Variants in NPFFR2 observed in about 807,000 individuals in gnomAD.
The protein encoded by NPFFR2 is G-protein coupled receptor 74.
Under a neutral mutation model 13.1 loss-of-function variants are expected in NPFFR2, and 15 were observed. The ratio of observed to expected loss-of-function variants is 1.15; its 90% CI spans 0.77 to 1.76. The LOEUF is 1.76. NPFFR2 is among the 40% of genes most tolerant of loss of function. NPFFR2 has a pLI of 0.00. For missense variants in NPFFR2, 572 were observed against 503.5 expected (o/e 1.14, Z -1.30); for synonymous variants, 190 against 175.7 (o/e 1.08, Z -0.65).
intron 1 of NPFFR2, among the ~76,000 whole-genome samples, chr4:72,114,017 A>T (rs1024936045): frequency 1.3e-5 from 2 of 152,116 alleles, no homozygotes; most frequent in East Asian, 1.9e-4. Context: ...TTTCATAGAT[A>T]AGGACTTTTC....
intron 3 of NPFFR2, among the ~76,000 whole-genome samples, chr4:72,139,976 C>A (rs950539232): frequency 3.3e-5 from 5 of 152,056 alleles, no homozygotes; most frequent in African/African-American, 1.2e-4. Context: ...CCTTCACATC[C>A]CTTGTAAGTT....
chr4:72,068,770 C>T (rs915544916), intron 1 of NPFFR2: 14 of 319,212 alleles, frequency 4.4e-5, no homozygotes, highest in South Asian at 1.3e-4. Flanking sequence ...CATAGAATAA[C>T]GGTTCTATGC....
intron 1 of NPFFR2, among the ~76,000 whole-genome samples, chr4:72,076,179 G>GT (rs33946488): frequency 6.6e-6 from 1 of 151,334 alleles, no homozygotes; most frequent in East Asian, 2.0e-4. Flanking sequence ...ATGTTATGGA[G>GT]TTTTTTTTTC....
intron 1 of NPFFR2, among the ~76,000 whole-genome samples, chr4:72,051,074 C>T (rs1277854168): frequency 6.6e-6 from 1 of 151,904 alleles, no homozygotes; most frequent in African/African-American, 2.4e-5. Flanking sequence ...AATAAACATA[C>T]GTGTGCATAT....
intron 1 of NPFFR2, among the ~76,000 whole-genome samples, chr4:72,094,393 G>C (rs13150552): frequency 6.6e-6 from 1 of 152,264 alleles, no homozygotes; most frequent in African/African-American, 2.4e-5. Context: ...AGGATCAGGC[G>C]GTGTGTGGGG....
chr4:72,120,872 A>C (rs1578468507), intron 1 of NPFFR2, among the ~76,000 whole-genome samples: 1 of 152,208 alleles, frequency 6.6e-6, no homozygotes, highest in Non-Finnish European at 1.5e-5. Flanking sequence ...CTTGCCAGCA[A>C]AGGAACAAAA....
chr4:72,067,226 C>G (rs533920050), intron 1 of NPFFR2, among the ~76,000 whole-genome samples: 1 of 152,120 alleles, frequency 6.6e-6, no homozygotes, highest in Non-Finnish European at 1.5e-5. Context: ...AGCAGTGGCC[C>G]GAGTTCTACC....
chr4:72,106,648 C>A (rs533745088), intron 1 of NPFFR2, among the ~76,000 whole-genome samples: 41 of 152,112 alleles, frequency 2.7e-4, no homozygotes, highest in African/African-American at 7.9e-4. Flanking sequence ...TAAACTTGCT[C>A]ACCCACAATC....
chr4:72,060,067 A>T (rs1373599220), intron 1 of NPFFR2, among the ~76,000 whole-genome samples: 1 of 152,120 alleles, frequency 6.6e-6, no homozygotes. Context: ...AAGAGATTTT[A>T]TGTCTATGAA....
intron 1 of NPFFR2, among the ~76,000 whole-genome samples, chr4:72,120,942 C>A (rs964996449): frequency 6.6e-6 from 1 of 151,898 alleles, no homozygotes; most frequent in Non-Finnish European, 1.5e-5. Flanking sequence ...TGGGTAATAA[C>A]AAACTCTTCC....
intron 1 of NPFFR2, among the ~76,000 whole-genome samples, chr4:72,070,175 C>T (rs1014061057): frequency 1.3e-5 from 2 of 152,146 alleles, no homozygotes; most frequent in Non-Finnish European, 2.9e-5. Context: ...AACCACTACA[C>T]TAAATTTTCT....
At chr4:72,082,904 A>G (rs539340035) in intron 1 of NPFFR2, among the ~76,000 whole-genome samples, 38 of 152,138 alleles carry the variant, frequency 2.5e-4, no homozygotes, top group South Asian at 1.5e-3. Context: ...AATTGCTATC[A>G]TGCAGCACAT....
At chr4:72,068,215 A>G (rs548863459) in intron 1 of NPFFR2, among the ~76,000 whole-genome samples, 1 of 152,052 alleles carries the variant, frequency 6.6e-6, no homozygotes, top group South Asian at 2.1e-4. Context: ...ATTTCCTCAC[A>G]CTTCTGAAGG....
intron 1 of NPFFR2, among the ~76,000 whole-genome samples, 157 bp downstream of exon 1, chr4:72,032,357 A>G (rs1282377905): frequency 6.6e-6 from 1 of 152,166 alleles, no homozygotes; most frequent in African/African-American, 2.4e-5. Flanking sequence ...CCGCTTGGTC[A>G]CTGGCCCAAC....
intron 2 of NPFFR2, among the ~76,000 whole-genome samples, chr4:72,133,433 G>C (rs1337505213): frequency 6.6e-6 from 1 of 151,984 alleles, no homozygotes; most frequent in Non-Finnish European, 1.5e-5. Flanking sequence ...GTTTGAAGTT[G>C]GGTAGCATAA....
intron 2 of NPFFR2, among the ~76,000 whole-genome samples, 188 bp downstream of exon 2, chr4:72,129,107 TAGAGAA>T (rs894665282): frequency 3.3e-5 from 5 of 152,164 alleles, no homozygotes; most frequent in Non-Finnish European, 5.9e-5. Flanking sequence ...ATAATTATAT[TAGAGAA>T]TGAGAAGGAT....
intron 2 of NPFFR2, among the ~76,000 whole-genome samples, chr4:72,132,284 A>T (rs905585898): frequency 6.6e-6 from 1 of 152,222 alleles, no homozygotes; most frequent in Non-Finnish European, 1.5e-5. Flanking sequence ...TTTGCTGCAG[A>T]TAATGGCCTC....
At chr4:72,037,230 T>TAAAA (rs1365758442) in intron 1 of NPFFR2, among the ~76,000 whole-genome samples, 3 of 138,670 alleles carry the variant, frequency 2.2e-5, no homozygotes, top group Non-Finnish European at 4.7e-5. Context: ...GCCTACAAAT[T>TAAAA]AAAAAAAAAA....
chr4:72,146,868 T>G, intron 3 of NPFFR2, 110 bp from the exon 4 acceptor site: 1 of 711,754 alleles, frequency 1.4e-6, no homozygotes, highest in Non-Finnish European at 2.4e-6. Context: ...TTTCTATATT[T>G]TTGAGGAGAC....
Sources: allele counts gnomAD v4.1 joint callset (sites outside exome capture counted in the v4.1 genomes callset), GRCh38; gene constraint gnomAD v4.1.1; transcripts MANE v1.5; gene names NCBI Gene and HGNC (gene_info 2026-07-23, HGNC 2026-07-21).